RIMS2: variants seen among roughly 807,000 people sequenced by gnomAD.
RIMS2 encodes the protein regulating synaptic membrane exocytosis protein 2.
RIMS2 carries 59 observed loss-of-function variants against 174.4 expected under a neutral mutation model. The observed-to-expected ratio is 0.34, with a 90% CI of 0.27 to 0.42. The LOEUF is 0.42. Ranked by LOEUF, RIMS2 falls within the 10% of genes least tolerant of loss-of-function variation. The pLI, the probability that RIMS2 is intolerant of heterozygous loss-of-function variation, is 1.00. For missense variants in RIMS2, 1,620 were observed against 1,666.3 expected (o/e 0.97, Z 0.48); for synonymous variants, 606 against 572.5 (o/e 1.06, Z -0.84).
At chr8:103,580,657 C>T (rs550779706) in intron 1 of RIMS2, among the ~76,000 whole-genome samples, 3 of 152,062 alleles carry the variant, frequency 2.0e-5, no homozygotes, top group East Asian at 1.9e-4. Context: ...AAATAGAAAA[C>T]CTCAAACCAG....
intron 1 of RIMS2, among the ~76,000 whole-genome samples, chr8:103,671,827 C>G (rs746861261): frequency 6.6e-6 from 1 of 152,062 alleles, no homozygotes; most frequent in South Asian, 2.1e-4. Flanking sequence ...ATATTAATAA[C>G]GTATTCATGA....
intron 4 of RIMS2, among the ~76,000 whole-genome samples, chr8:103,894,381 T>G (rs1298057998): frequency 6.6e-6 from 1 of 151,640 alleles, no homozygotes; most frequent in Non-Finnish European, 1.5e-5. Context: ...GAAACCTCCG[T>G]ATTTCAAAAT....
intron 16 of RIMS2, among the ~76,000 whole-genome samples, chr8:103,988,217 A>G (rs1423631840): frequency 6.6e-6 from 1 of 152,240 alleles, no homozygotes; most frequent in East Asian, 1.9e-4. Flanking sequence ...AAATAATAAT[A>G]TATATACATT....
intron 1 of RIMS2, among the ~76,000 whole-genome samples, chr8:103,628,924 C>G (rs2095849977): frequency 1.3e-5 from 2 of 152,096 alleles, no homozygotes; most frequent in Non-Finnish European, 2.9e-5. Context: ...TGCAGCTACC[C>G]AGATTGTGAG....
At chr8:104,169,065 A>T (rs934105400) in intron 19 of RIMS2, among the ~76,000 whole-genome samples, 2 of 151,272 alleles carry the variant, frequency 1.3e-5, no homozygotes, top group African/African-American at 4.9e-5. Context: ...TTTGTTGATG[A>T]TTTTTGCATT....
chr8:104,022,500 G>A (rs1050500627), intron 19 of RIMS2, among the ~76,000 whole-genome samples: 9 of 152,066 alleles, frequency 5.9e-5, no homozygotes, highest in Admixed American at 5.2e-4. Flanking sequence ...TCCTGCCTCA[G>A]CCTTCTGAGT....
chr8:103,844,544 TTTCTAAG>T (rs1395580594), intron 3 of RIMS2, among the ~76,000 whole-genome samples: 1 of 152,174 alleles, frequency 6.6e-6, no homozygotes, highest in Admixed American at 6.5e-5. Flanking sequence ...TTAAAAAATA[TTTCTAAG>T]TTCTATCTCA....
intron 1 of RIMS2, among the ~76,000 whole-genome samples, chr8:103,653,530 A>G (rs2135897464): frequency 6.6e-6 from 1 of 152,162 alleles, no homozygotes; most frequent in South Asian, 2.1e-4. Context: ...GACTTTGGAG[A>G]AGCTGGTTTG....
chr8:103,773,676 G>A lies in RIMS2; in HGVS notation c.698+7139G>A, dbSNP rs866892905. Among the ~76,000 whole-genome samples the A allele has an allele frequency of 5.3e-5, 8 of 152,136 alleles. No individual in the cohort carries two copies. In the South Asian group the frequency reaches 1.7e-3, roughly 31 times the overall value. ...ACCCAGGAGGTGGAGGTTGCGGTGAGCTGAGATGGCGCCATTGCACTCCAG... is the reference window on the plus strand; with the variant it reads ...ACCCAGGAGGTGGAGGTTGCGGTGAACTGAGATGGCGCCATTGCACTCCAG... On this transcript the variant is annotated intron_variant, in intron 3 of 23. Coordinates refer to ENST00000504942, the Ensembl canonical transcript of RIMS2.
At chr8:104,062,111 A>C (rs1598030228) in intron 19 of RIMS2, among the ~76,000 whole-genome samples, 1 of 152,296 alleles carries the variant, frequency 6.6e-6, no homozygotes, top group East Asian at 1.9e-4. Context: ...CAATTAAAAT[A>C]TTCATTAAAA....
At chr8:104,009,127 A>G (rs560360572) in intron 17 of RIMS2, among the ~76,000 whole-genome samples, 10 of 152,046 alleles carry the variant, frequency 6.6e-5, no homozygotes, top group Admixed American at 1.3e-4. Context: ...GTTATTTATT[A>G]TATACAAATA....
At position 103,638,470 on chromosome 8, in the gene RIMS2, A is replaced by G. The variant is rs75115465; in HGVS notation, c.177-58616A>G. On this transcript the variant is annotated intron_variant, in intron 1 of 23. Transcript: ENST00000504942. ...GAAATATGCGCCGTCTTCTCTAATT[A>G]TTTATTTATTTATCTATATCAGTAT... Among the ~76,000 whole-genome samples, 11 of 151,964 alleles carry G rather than the reference A, an allele frequency of 7.2e-5. 1 individual carries two copies. In the East Asian group the frequency reaches 2.1e-3, roughly 29 times the overall value.
chr8:103,787,434 G>A (rs1467057624), intron 3 of RIMS2, among the ~76,000 whole-genome samples: 12 of 150,270 alleles, frequency 8.0e-5, no homozygotes, highest in Admixed American at 2.7e-4. Flanking sequence ...CATGTTTAGC[G>A]CTTCCTTCAG....
chr8:103,624,476 T>G (rs2095727448), intron 1 of RIMS2, among the ~76,000 whole-genome samples: 1 of 152,198 alleles, frequency 6.6e-6, no homozygotes, highest in Non-Finnish European at 1.5e-5. Flanking sequence ...GTGGGACTTC[T>G]TAGCCTCCAT....
intron 4 of RIMS2, among the ~76,000 whole-genome samples, chr8:103,904,505 A>T (rs1248689910): frequency 6.6e-6 from 1 of 151,940 alleles, no homozygotes; most frequent in African/African-American, 2.4e-5. Flanking sequence ...TAGAGTTTTT[A>T]AAAACCATGA....
chr8:103,657,900 T>G (rs1470510608), intron 1 of RIMS2, among the ~76,000 whole-genome samples: 2 of 152,148 alleles, frequency 1.3e-5, no homozygotes, highest in South Asian at 2.1e-4. Context: ...TCAGAGTATG[T>G]GATGACCTCT....
At chr8:103,632,118 C>T (rs28855198) in intron 1 of RIMS2, among the ~76,000 whole-genome samples, 1,767 of 152,168 alleles carry the variant, frequency 0.012, 33 homozygotes, top group African/African-American at 0.039. Flanking sequence ...CATTTTATTT[C>T]TTTCTCTTGC....
chr8:103,565,695 A>G (rs2092266171), intron 1 of RIMS2, among the ~76,000 whole-genome samples: 1 of 152,174 alleles, frequency 6.6e-6, no homozygotes, highest in Admixed American at 6.5e-5. Flanking sequence ...AAGGCCAAGA[A>G]TAGGTCTACT....
intron 19 of RIMS2, among the ~76,000 whole-genome samples, chr8:104,116,197 T>C (rs2098275340): frequency 6.6e-6 from 1 of 152,210 alleles, no homozygotes; most frequent in Admixed American, 6.5e-5. Context: ...TACTCATGTG[T>C]GTACATGTAT....
Sources: allele counts gnomAD v4.1 joint callset (sites outside exome capture counted in the v4.1 genomes callset), GRCh38; gene constraint gnomAD v4.1.1; transcripts MANE v1.5; gene names NCBI Gene and HGNC (gene_info 2026-07-23, HGNC 2026-07-21).